ZNF487: variants seen among roughly 807,000 people sequenced by gnomAD.
The protein encoded by ZNF487 is KRAB domain only 1.
In ZNF487, 4 loss-of-function variants were observed where a neutral mutation model predicts 3.0. That is an observed-to-expected ratio of 1.35 (90% CI 0.66 to 3.08). ZNF487 has a LOEUF of 3.08. Ranked by LOEUF, ZNF487 falls within the 30% of genes most tolerant of loss-of-function variation. The probability of loss-of-function intolerance (pLI) is 0.01; values close to 1 mark genes in which losing one functional copy is unlikely to be tolerated. For synonymous variants in ZNF487, 55 were observed against 34.6 expected, an observed-to-expected ratio of 1.59 and a Z score of -2.06; for missense variants, 146 against 98.7, an observed-to-expected ratio of 1.48 and a Z score of -2.03.
At chr10:43,460,711 GAGAA>G (rs1840401248) in intron 1 of ZNF487, among the ~76,000 whole-genome samples, 2 of 135,004 alleles carry the variant, frequency 1.5e-5, no homozygotes, top group Non-Finnish European at 3.2e-5. Flanking sequence ...TTTTTTTTTT[GAGAA>G]AGAGTCTCAC....
At chr10:43,469,397 C>T (rs1211755023) in intron 1 of ZNF487, among the ~76,000 whole-genome samples, 4 of 152,136 alleles carry the variant, frequency 2.6e-5, no homozygotes, top group African/African-American at 7.2e-5. Context: ...TTCAGCATGT[C>T]GACCAGGCTG....
intron 1 of ZNF487, among the ~76,000 whole-genome samples, chr10:43,449,564 C>G (rs1839934530): frequency 6.6e-6 from 1 of 151,762 alleles, no homozygotes. Flanking sequence ...CTTGTGAATT[C>G]AGTATTTAAA....
chr10:43,449,672 T>G lies in ZNF487; in HGVS notation c.-94+12410T>G, dbSNP rs80113495. Among the ~76,000 whole-genome samples, 929 of 152,060 alleles carry G rather than the reference T, an allele frequency of 6.1e-3. 9 individuals are homozygous for G. The highest frequency in any genetic ancestry group is 0.018 in the African/African-American group (736 of 41,446). Reference sequence around the variant, plus strand: ...ATGTTCCTCAGCAGTTAACATGTATTGAAGCATTTTTTTTTTTTTTTTAAT... The same window carrying G: ...ATGTTCCTCAGCAGTTAACATGTATGGAAGCATTTTTTTTTTTTTTTTAAT... On this transcript the variant is annotated intron_variant, in intron 1 of 3. Transcript: ENST00000437590.
At chr10:43,494,818 T>C in the ZNF487 span, among the ~76,000 whole-genome samples, 3 of 135,764 alleles carry the variant, frequency 2.2e-5, no homozygotes, top group Admixed American at 2.3e-4. Context: ...GCGCCTGTAA[T>C]GTCATCTACT....
the ZNF487 span, among the ~76,000 whole-genome samples, chr10:43,502,718 T>G: frequency 6.6e-6 from 1 of 151,982 alleles, no homozygotes; most frequent in Admixed American, 6.6e-5. Context: ...TATTTCAGAG[T>G]GTACATCTCC....
Position 43,482,414 on chromosome 10 carries a change from G to A in ZNF487, c.*492G>A, listed in dbSNP as rs780658793. On this transcript the variant is annotated 3_prime_UTR_variant, in exon 4 of 4. Transcript: ENST00000437590. ...GATACACAGAGGAGAGAAACCCTAT[G>A]AATGCACTGAATGTGGGAAAACTTT... 2.6e-5 allele frequency: 12 copies of A among 470,036 alleles called. No homozygotes were observed. Among genetic ancestry groups the A allele is most frequent in the Non-Finnish European group, 3.5e-5 (8 of 230,582 alleles). The allele number at this position is 470,036 out of a possible 1,614,324, so 29.1% of individuals were successfully genotyped here.
At chr10:43,515,798 C>T in the ZNF487 span, among the ~76,000 whole-genome samples, 17 of 151,926 alleles carry the variant, frequency 1.1e-4, no homozygotes, top group Admixed American at 7.2e-4. Context: ...TTTTTTTTGA[C>T]GGAGTCTCGC....
At chr10:43,460,192 GGATT>G (rs1276097520) in intron 1 of ZNF487, among the ~76,000 whole-genome samples, 1 of 151,838 alleles carries the variant, frequency 6.6e-6, no homozygotes, top group Non-Finnish European at 1.5e-5. Flanking sequence ...CTTTTTCAGT[GGATT>G]GATTGATATT....
At chr10:43,496,174 C>G in the ZNF487 span, 21 of 472,000 alleles carry the variant, frequency 4.4e-5, no homozygotes, top group African/African-American at 4.2e-4. Context: ...CTTCAAATAG[C>G]ATTCATTTCT....
chr10:43,446,500 G>T (rs2812797), intron 1 of ZNF487, among the ~76,000 whole-genome samples: 1 of 143,814 alleles, frequency 7.0e-6, no homozygotes, highest in Admixed American at 6.9e-5. Flanking sequence ...GGGCAGAGGC[G>T]CTCCTCACCT....
At chr10:43,474,327 C>G (rs61859966) in intron 1 of ZNF487, among the ~76,000 whole-genome samples, 4,236 of 149,600 alleles carry the variant, frequency 0.028, 94 homozygotes, top group South Asian at 0.043. Flanking sequence ...GGTGGTGCGC[C>G]CCTGTAACCC....
At chr10:43,514,640 C>T in the ZNF487 span, among the ~76,000 whole-genome samples, 13 of 152,320 alleles carry the variant, frequency 8.5e-5, no homozygotes, top group South Asian at 2.1e-4. Context: ...AGAGTAGCCA[C>T]GCCCACCTTG....
In ZNF487 at chr10:43,482,982, A is replaced by G. The variant is rs1351323386; in HGVS notation, c.*1060A>G. ...CCTCACAACACATCAGAGAACACACACAAGGGAGCAACCCTATGAATATAA... is the reference window on the plus strand; with the variant it reads ...CCTCACAACACATCAGAGAACACACGCAAGGGAGCAACCCTATGAATATAA... On this transcript the variant is annotated 3_prime_UTR_variant, in exon 4 of 4. Transcript: ENST00000437590. 1.9e-6 allele frequency: 1 copy of G among 514,044 alleles called. No homozygotes were observed. Among genetic ancestry groups the G allele is most frequent in the Admixed American group, 2.1e-5 (1 of 48,470 alleles). 31.8% of individuals were successfully genotyped at this position (514,044 alleles called of 1,614,324 possible).
intron 1 of ZNF487, among the ~76,000 whole-genome samples, chr10:43,464,773 C>G (rs188048766): frequency 1.3e-5 from 2 of 152,380 alleles, no homozygotes; most frequent in African/African-American, 4.8e-5. Context: ...CTACTTCTTT[C>G]TACACAGACA....
At chr10:43,520,896 A>G in the ZNF487 span, among the ~76,000 whole-genome samples, 2 of 152,214 alleles carry the variant, frequency 1.3e-5, no homozygotes, top group Non-Finnish European at 2.9e-5. Flanking sequence ...GACAGTTGCC[A>G]ATAGCAAATA....
the ZNF487 span, among the ~76,000 whole-genome samples, chr10:43,508,737 T>G: frequency 1.3e-5 from 2 of 152,020 alleles, no homozygotes; most frequent in Admixed American, 1.3e-4. Context: ...TCCCAGCTAC[T>G]CGGGAGGCTG....
At chr10:43,502,245 A>G in the ZNF487 span, among the ~76,000 whole-genome samples, 1 of 152,232 alleles carries the variant, frequency 6.6e-6, no homozygotes, top group African/African-American at 2.4e-5. Context: ...ACATGGATGA[A>G]GCTGGAAACC....
At chr10:43,469,937 G>A (rs1190705941) in intron 1 of ZNF487, among the ~76,000 whole-genome samples, 3 of 150,800 alleles carry the variant, frequency 2.0e-5, no homozygotes, top group Non-Finnish European at 2.9e-5. Flanking sequence ...GCAACAGAGC[G>A]AGACTCTGTC....
intron 1 of ZNF487, among the ~76,000 whole-genome samples, chr10:43,438,765 A>G (rs1839473361): frequency 6.6e-6 from 1 of 152,162 alleles, no homozygotes; most frequent in African/African-American, 2.4e-5. Context: ...GTCATATACA[A>G]TAGAATATCA....
Sources: gnomAD v4.1 joint callset for allele counts (sites outside exome capture counted in the v4.1 genomes callset) on GRCh38, gnomAD v4.1.1 for gene constraint, MANE v1.5 for transcripts, NCBI Gene and HGNC (gene_info 2026-07-23, HGNC 2026-07-21) for gene names.